Variants in SH3RF1 observed in about 807,000 individuals in gnomAD.
The protein encoded by SH3RF1 is SH3 domain containing ring finger 1.
SH3RF1 carries 32 observed loss-of-function variants against 74.0 expected under a neutral mutation model. That is an observed-to-expected ratio of 0.43 (90% CI 0.33 to 0.58). The LOEUF is 0.58. Among genes scored for constraint, SH3RF1 ranks in the 20% least tolerant of loss-of-function variants. The pLI is 0.05. For missense variants in SH3RF1, 954 were observed against 1,130.9 expected, an observed-to-expected ratio of 0.84 and a Z score of 2.24; for synonymous variants, 396 against 439.6, an observed-to-expected ratio of 0.90 and a Z score of 1.24.
intron 2 of SH3RF1, among the ~76,000 whole-genome samples, chr4:169,257,730 A>T (rs1731214931): frequency 6.6e-6 from 1 of 152,232 alleles, no homozygotes; most frequent in Non-Finnish European, 1.5e-5. Flanking sequence ...GCAGTGTAAC[A>T]ACTTTAGATG....
chr4:169,104,251 A>G (rs748990053), intron 11 of SH3RF1, among the ~76,000 whole-genome samples: 29 of 152,242 alleles, frequency 1.9e-4, no homozygotes, highest in Non-Finnish European at 4.1e-4. Flanking sequence ...GAGGGAACAC[A>G]GGAGAGATGC....
At position 169,246,709 on chromosome 4, in the gene SH3RF1, G is replaced by C. The variant is rs548695559; in HGVS notation, c.393+22111C>G. Among the ~76,000 whole-genome samples the C allele has an allele frequency of 3.3e-5, 5 of 152,304 alleles. No homozygotes were observed. The East Asian group carries it at 7.7e-4, about 23-fold the overall frequency. ...ACTTCCTACAAATCAAATTACCAAG[G>C]AGCAAATTTAATTTTTCAACTTTTA... On this transcript the variant is annotated intron_variant, in intron 2 of 11. Transcript: ENST00000284637.
intron 2 of SH3RF1, among the ~76,000 whole-genome samples, chr4:169,266,006 C>T (rs1464536032): frequency 6.6e-6 from 1 of 152,152 alleles, no homozygotes; most frequent in African/African-American, 2.4e-5. Context: ...AGCAGTGTCC[C>T]TCTCCCTATG....
chr4:169,222,202 G>A (rs1730577682), intron 2 of SH3RF1, among the ~76,000 whole-genome samples: 2 of 152,236 alleles, frequency 1.3e-5, no homozygotes, highest in East Asian at 1.9e-4. Context: ...GGTGGCTTAC[G>A]CCTGTAATCC....
In SH3RF1 at chr4:169,095,956, AAAG is replaced by A. The variant is rs1274608047; in HGVS notation, c.*560_*562del. 6.6e-6 allele frequency: 1 copy of A among 152,190 alleles called. No individual in the cohort carries two copies. Among genetic ancestry groups the A allele is most frequent in the Non-Finnish European group, 1.5e-5 (1 of 68,044 alleles). The allele number at this position is 152,190 out of a possible 1,614,324, so 9.4% of individuals were successfully genotyped here. On this transcript the variant is annotated 3_prime_UTR_variant, in exon 12 of 12. Transcript: ENST00000284637. ...GATTCATTTGTATGTTTGGTTTCCC[AAAG>A]AAGAAAACCAAATTAGAGAACTGGG...
At chr4:169,114,680 ATAT>A (rs1490104164) in intron 10 of SH3RF1, among the ~76,000 whole-genome samples, 1 of 152,240 alleles carries the variant, frequency 6.6e-6, no homozygotes, top group Non-Finnish European at 1.5e-5. Context: ...ATTTATAAAT[ATAT>A]TAACAAAGTT....
At chr4:169,122,426 A>G (rs1273665787) in intron 6 of SH3RF1, among the ~76,000 whole-genome samples, 160 bp from the exon 7 acceptor site, 2 of 152,238 alleles carry the variant, frequency 1.3e-5, no homozygotes, top group African/African-American at 4.8e-5. Context: ...CTGATATGAA[A>G]GCCTGCTTCT....
intron 1 of SH3RF1, among the ~76,000 whole-genome samples, chr4:169,270,454 T>C (rs923729326): frequency 2.7e-4 from 41 of 151,314 alleles, no homozygotes; most frequent in African/African-American, 8.9e-4. Context: ...CAAATCCCTC[T>C]ACACGACTGC....
chr4:169,208,208 A>C (rs148357500), intron 2 of SH3RF1, among the ~76,000 whole-genome samples: 2 of 145,296 alleles, frequency 1.4e-5, no homozygotes. Context: ...CTTCATCCCC[A>C]CCCCCACTGC....
Position 169,160,369 on chromosome 4 carries a change from C to A in SH3RF1, c.394-3690G>T, listed in dbSNP as rs552373746. 1.2e-3 allele frequency among the ~76,000 whole-genome samples: 190 copies of A among 152,304 alleles called. 1 individual carries two copies. The highest frequency in any genetic ancestry group is 4.4e-3 in the African/African-American group (183 of 41,554). ...TTATTAACTTTTCCACAAAACAAATCTATTACATGTTCCTAAAATCATCAA... is the reference window on the plus strand; with the variant it reads ...TTATTAACTTTTCCACAAAACAAATATATTACATGTTCCTAAAATCATCAA... On this transcript the variant is annotated intron_variant, in intron 2 of 11. Coordinates refer to ENST00000284637, the MANE Select transcript of SH3RF1 (RefSeq NM_020870.4).
chr4:169,101,127 AGCT>A (rs1561023523), intron 11 of SH3RF1, among the ~76,000 whole-genome samples: 1 of 152,196 alleles, frequency 6.6e-6, no homozygotes, highest in East Asian at 1.9e-4. Flanking sequence ...CCAAACCATA[AGCT>A]GCTTGAAGGA....
intron 2 of SH3RF1, among the ~76,000 whole-genome samples, chr4:169,187,536 GTGTGTGTGT>G (rs1238848650): frequency 1.5e-5 from 2 of 133,478 alleles, no homozygotes; most frequent in Non-Finnish European, 3.1e-5. Flanking sequence ...GTGTGTGTGT[GTGTGTGTGT>G]GTGTGTGTGT....
chr4:169,162,798 A>T (rs2126968517), intron 2 of SH3RF1, among the ~76,000 whole-genome samples: 1 of 152,142 alleles, frequency 6.6e-6, no homozygotes, highest in African/African-American at 2.4e-5. Context: ...TCCTTATTCC[A>T]GACCTGGTTC....
At chr4:169,172,122 T>C (rs901937753) in intron 2 of SH3RF1, among the ~76,000 whole-genome samples, 2 of 152,190 alleles carry the variant, frequency 1.3e-5, no homozygotes, top group Admixed American at 1.3e-4. Context: ...CACTCTGAAA[T>C]TGATACTGTA....
chr4:169,270,495 CG>C (rs1731430124), intron 1 of SH3RF1, among the ~76,000 whole-genome samples: 2 of 152,260 alleles, frequency 1.3e-5, no homozygotes, highest in South Asian at 4.1e-4. Flanking sequence ...AAAATAAATG[CG>C]CAGGCTTAAG....
At chr4:169,209,433 C>G (rs1179943769) in intron 2 of SH3RF1, among the ~76,000 whole-genome samples, 1 of 152,156 alleles carries the variant, frequency 6.6e-6, no homozygotes, top group African/African-American at 2.4e-5. Flanking sequence ...CCCCCGGGAA[C>G]TCTCCTACTA....
chr4:169,136,186 T>C, intron 5 of SH3RF1, 132 bp downstream of exon 5: 1 of 980,836 alleles, frequency 1.0e-6, no homozygotes, highest in South Asian at 3.1e-5. Context: ...AGACAGGTTT[T>C]GCTTCCCAGA....
intron 2 of SH3RF1, among the ~76,000 whole-genome samples, chr4:169,220,648 T>C (rs531939609): frequency 2.6e-5 from 4 of 152,164 alleles, no homozygotes; most frequent in Non-Finnish European, 4.4e-5. Context: ...CCAGCTCCAA[T>C]GGGATTAGCT....
At chr4:169,143,084 A>AT (rs1733812668) in intron 4 of SH3RF1, among the ~76,000 whole-genome samples, 1 of 152,206 alleles carries the variant, frequency 6.6e-6, no homozygotes, top group Non-Finnish European at 1.5e-5. Context: ...CTCTGTAAAT[A>AT]TTTGTTGAAT....
Sources: gnomAD v4.1 joint callset for allele counts (sites outside exome capture counted in the v4.1 genomes callset) on GRCh38, gnomAD v4.1.1 for gene constraint, MANE v1.5 for transcripts, NCBI Gene and HGNC (gene_info 2026-07-23, HGNC 2026-07-21) for gene names.